The following FBN2 variants were observed in gnomAD, a reference collection of about 807,000 sequenced individuals.
FBN2 encodes the protein fibrillin-2.
A neutral mutation model predicts 355.6 loss-of-function variants in FBN2; 105 were observed. That is an observed-to-expected ratio of 0.30 (90% confidence interval 0.25 to 0.35). FBN2 has a LOEUF of 0.35. FBN2 is among the 10% of genes least tolerant of loss of function. FBN2 has a pLI of 1.00. For missense variants in FBN2, 3,280 were observed against 3,758.7 expected, an observed-to-expected ratio of 0.87 and a Z score of 3.33; for synonymous variants, 1,350 against 1,301.2, an observed-to-expected ratio of 1.04 and a Z score of -0.81.
rs77019970 is a variant in FBN2, at chr5:128,438,220, G to A, written c.952+8261C>T. Among the ~76,000 whole-genome samples the A allele has an allele frequency of 1.5e-3, 230 of 152,256 alleles. 1 individual carries two copies. Among genetic ancestry groups the A allele is most frequent in the African/African-American group, 5.3e-3 (222 of 41,548 alleles). On this transcript the variant is annotated intron_variant, in intron 7 of 64. Coordinates refer to ENST00000262464, the MANE Select transcript of FBN2 (RefSeq NM_001999.4). ...TTGGCCAGGCTGGTCTCAAACTTCC[G>A]GGCCTCAAGTGATCTGCCTGCCTTA...
At chr5:128,474,885 A>T (rs1045044141) in intron 5 of FBN2, among the ~76,000 whole-genome samples, 1 of 152,222 alleles carries the variant, frequency 6.6e-6, no homozygotes, top group Non-Finnish European at 1.5e-5. Flanking sequence ...GTTACTTGAG[A>T]ATTCTAGGGA....
At chr5:128,323,329 T>C (rs1346161865) in intron 34 of FBN2, among the ~76,000 whole-genome samples, 2 of 152,204 alleles carry the variant, frequency 1.3e-5, no homozygotes, top group Admixed American at 1.3e-4. Context: ...CATCCTTGTC[T>C]TGTGCCAGTT....
intron 61 of FBN2, 73 bp downstream of exon 61, chr5:128,273,767 A>C (rs1765320244): frequency 2.0e-6 from 3 of 1,484,988 alleles, no homozygotes; most frequent in Non-Finnish European, 2.8e-6. Context: ...GATTATACCA[A>C]TTTGTCTTGG....
At chr5:128,479,441 C>G (rs1581332208) in intron 5 of FBN2, among the ~76,000 whole-genome samples, 1 of 152,054 alleles carries the variant, frequency 6.6e-6, no homozygotes, top group East Asian at 1.9e-4. Context: ...TATCACTACT[C>G]TAAATACATT....
At chr5:128,532,489 A>G (rs1045928245) in intron 2 of FBN2, among the ~76,000 whole-genome samples, 2 of 152,178 alleles carry the variant, frequency 1.3e-5, no homozygotes, top group Non-Finnish European at 2.9e-5. Context: ...TATAACCATA[A>G]TTGAGTTCTC....
At chr5:128,471,382 T>C (rs537150081) in intron 5 of FBN2, among the ~76,000 whole-genome samples, 1 of 152,250 alleles carries the variant, frequency 6.6e-6, no homozygotes, top group Admixed American at 6.5e-5. Context: ...TTCATTTCAG[T>C]AAGATTTGCC....
intron 6 of FBN2, among the ~76,000 whole-genome samples, chr5:128,462,630 A>G (rs1332550735): frequency 6.6e-6 from 1 of 152,214 alleles, no homozygotes; most frequent in East Asian, 1.9e-4. Context: ...TTCAGACATT[A>G]CTAAACCCTA....
intron 7 of FBN2, among the ~76,000 whole-genome samples, chr5:128,413,140 T>C (rs577902845): frequency 7.9e-5 from 12 of 152,274 alleles, no homozygotes; most frequent in South Asian, 2.1e-4. Context: ...AGCTAAAAAT[T>C]TGGGTATGAA....
At chr5:128,451,978 C>A (rs796811047) in intron 6 of FBN2, among the ~76,000 whole-genome samples, 16 of 152,194 alleles carry the variant, frequency 1.1e-4, no homozygotes, top group African/African-American at 3.9e-4. Context: ...GAACGAAACC[C>A]TTATTTTTGA....
chr5:128,446,680 A>T, intron 6 of FBN2, 74 bp from the exon 7 acceptor site: 2 of 1,501,080 alleles, frequency 1.3e-6, no homozygotes, highest in Non-Finnish European at 1.8e-6. Context: ...TACTATAAAA[A>T]CTTTATATAA....
At chr5:128,347,320 T>C (rs1396848049) in intron 23 of FBN2, among the ~76,000 whole-genome samples, 1 of 152,218 alleles carries the variant, frequency 6.6e-6, no homozygotes, top group Admixed American at 6.5e-5. Flanking sequence ...TCTATGGATG[T>C]TTATATCGGC....
At chr5:128,532,685 T>C (rs1052756640) in intron 2 of FBN2, among the ~76,000 whole-genome samples, 3 of 152,212 alleles carry the variant, frequency 2.0e-5, no homozygotes, top group Non-Finnish European at 2.9e-5. Context: ...AACTCACTAA[T>C]TGTTTTTCTT....
intron 2 of FBN2, among the ~76,000 whole-genome samples, chr5:128,535,816 G>GT (rs1756829288): frequency 9.6e-6 from 1 of 104,482 alleles, no homozygotes; most frequent in Non-Finnish European, 2.0e-5. Flanking sequence ...CTTCCAAAAA[G>GT]CAAAAAAAAA....
intron 55 of FBN2, among the ~76,000 whole-genome samples, chr5:128,282,341 T>C (rs895408042): frequency 6.6e-6 from 1 of 152,158 alleles, no homozygotes; most frequent in Non-Finnish European, 1.5e-5. Flanking sequence ...AAAAAGTTTT[T>C]TTAGTTTATT....
chr5:128,310,057 T>G lies in FBN2; in HGVS notation c.5126A>C (p.Tyr1709Ser). The change falls in exon 40 of 65, where the codon TAT (tyrosine) becomes TCT (serine). Residue 1709 changes from tyrosine to serine, a missense_variant. Transcript: ENST00000262464. ...HPGVCGPGTC[Y>S]NTLGNYTCIC... Reference sequence around the variant, plus strand: ...GCAGGTGTAATTTCCCAGGGTGTTATAGCAGGTCCCAGGCCCACACACACC... The same window carrying G: ...GCAGGTGTAATTTCCCAGGGTGTTAGAGCAGGTCCCAGGCCCACACACACC... The G allele has an allele frequency of 6.2e-7, 1 of 1,613,916 alleles. No individual in the cohort carries two copies.
chr5:128,289,577 C>T (rs1749260972), intron 51 of FBN2, among the ~76,000 whole-genome samples: 1 of 151,904 alleles, frequency 6.6e-6, no homozygotes, highest in Admixed American at 6.5e-5. Context: ...CAGAGTGAGA[C>T]TCCACCTCAA....
In FBN2 at chr5:128,259,307, T is replaced by G; in HGVS notation, c.*148A>C. 7 of 1,055,982 alleles carry G rather than the reference T, an allele frequency of 6.6e-6. No individual in the cohort carries two copies. Among genetic ancestry groups the G allele is most frequent in the African/African-American group, 1.6e-5 (1 of 63,950 alleles). The allele number at this position is 1,055,982 out of a possible 1,614,324, so 65.4% of individuals were successfully genotyped here. ...CCAGAGTCTAAATTATCCCTCCCTG[T>G]GAGGGTCAACATTCAAAGTCTAAGA... On this transcript the variant is annotated 3_prime_UTR_variant, in exon 65 of 65. Transcript: ENST00000262464.
At chr5:128,265,418 C>T (rs143167991) in intron 62 of FBN2, among the ~76,000 whole-genome samples, 44 of 152,088 alleles carry the variant, frequency 2.9e-4, no homozygotes, top group African/African-American at 1.0e-3. Context: ...CATGATATAC[C>T]TCATATTTAT....
intron 20 of FBN2, among the ~76,000 whole-genome samples, chr5:128,351,420 G>A (rs1264914338): frequency 1.3e-5 from 2 of 151,940 alleles, no homozygotes; most frequent in Non-Finnish European, 2.9e-5. Flanking sequence ...GGTGGCAGGT[G>A]TCTGTAATCC....
Sources: allele counts gnomAD v4.1 joint callset (sites outside exome capture counted in the v4.1 genomes callset), GRCh38; gene constraint gnomAD v4.1.1; transcripts MANE v1.5; gene names NCBI Gene and HGNC (gene_info 2026-07-23, HGNC 2026-07-21).